MGMT: variants seen among roughly 807,000 people sequenced by gnomAD.
The protein encoded by MGMT is O-6-methylguanine-DNA methyltransferase.
A neutral mutation model predicts 15.9 loss-of-function variants in MGMT; 14 were observed. That is an observed-to-expected ratio of 0.88 (90% CI 0.58 to 1.37). MGMT has a LOEUF of 1.37. Among genes scored for constraint, MGMT ranks in the 40% most tolerant of loss-of-function variants. The pLI is 0.00. For missense variants in MGMT, 282 were observed against 268.1 expected, an observed-to-expected ratio of 1.05 and a Z score of -0.36; for synonymous variants, 130 against 118.2, an observed-to-expected ratio of 1.10 and a Z score of -0.65.
intron 3 of MGMT, among the ~76,000 whole-genome samples, chr10:129,729,248 C>T (rs192535206): frequency 9.9e-5 from 15 of 152,184 alleles, no homozygotes; most frequent in Admixed American, 7.9e-4. Context: ...CGAAAGGGCC[C>T]CACGGGCTGT....
At chr10:129,605,459 G>A (rs1329961410) in intron 2 of MGMT, among the ~76,000 whole-genome samples, 2 of 151,972 alleles carry the variant, frequency 1.3e-5, no homozygotes, top group Admixed American at 1.3e-4. Context: ...GTGCTCCCTA[G>A]GGAGTTCACT....
chr10:129,622,788 C>T (rs532854257), intron 2 of MGMT, among the ~76,000 whole-genome samples: 1 of 150,088 alleles, frequency 6.7e-6, no homozygotes, highest in Non-Finnish European at 1.5e-5. Flanking sequence ...CAATAAATGG[C>T]CTGTAAAAAA....
chr10:129,752,369 A>C (rs1038571089), intron 3 of MGMT, among the ~76,000 whole-genome samples: 4 of 151,956 alleles, frequency 2.6e-5, no homozygotes, highest in African/African-American at 9.7e-5. Flanking sequence ...TACAGGTATC[A>C]TTTGAAGTGA....
chr10:129,503,231 A>T (rs1226655281), intron 1 of MGMT, among the ~76,000 whole-genome samples: 4 of 152,142 alleles, frequency 2.6e-5, no homozygotes, highest in Non-Finnish European at 5.9e-5. Flanking sequence ...TGTGCAATGC[A>T]CTTGGGGGTC....
chr10:129,555,064 A>T (rs1413557784), intron 2 of MGMT, among the ~76,000 whole-genome samples: 1 of 152,188 alleles, frequency 6.6e-6, no homozygotes, highest in East Asian at 1.9e-4. Flanking sequence ...GTAAGCACTC[A>T]ATAAATGGCA....
chr10:129,479,061 G>A (rs777109883), intron 1 of MGMT, among the ~76,000 whole-genome samples: 6 of 152,126 alleles, frequency 3.9e-5, no homozygotes, highest in East Asian at 1.9e-4. Context: ...TCGTAAACAC[G>A]GTTCTGTGAC....
Position 129,738,025 on chromosome 10 carries a change from C to T in MGMT, c.275-21177C>T, listed in dbSNP as rs527908512. ...TCTTTTTGTTGGTCTGTGCCCTGCC[C>T]CCAGAGGTGGAGCCTACAGAGGCAG... is the stretch of plus-strand genomic sequence containing the variant. On this transcript the variant is annotated intron_variant, in intron 3 of 4. Transcript: ENST00000651593. Among the ~76,000 whole-genome samples the T allele has an allele frequency of 2.6e-5, 4 of 152,310 alleles. No homozygotes were observed. In the South Asian group the frequency reaches 8.3e-4, roughly 32 times the overall value.
chr10:129,715,995 G>A (rs1330648945), intron 3 of MGMT, among the ~76,000 whole-genome samples: 1 of 152,146 alleles, frequency 6.6e-6, no homozygotes, highest in African/African-American at 2.4e-5. Context: ...GGCGGTCAGT[G>A]TAGCTTCTGA....
At chr10:129,738,863 T>G (rs1210252924) in intron 3 of MGMT, among the ~76,000 whole-genome samples, 1 of 152,146 alleles carries the variant, frequency 6.6e-6, no homozygotes, top group Admixed American at 6.5e-5. Flanking sequence ...AAAGAGAATT[T>G]TAGGCCAATA....
intron 2 of MGMT, among the ~76,000 whole-genome samples, chr10:129,656,710 G>A (rs986534310): frequency 6.6e-6 from 1 of 152,132 alleles, no homozygotes; most frequent in Non-Finnish European, 1.5e-5. Flanking sequence ...ACAGGTAGGT[G>A]AGAGTCAAGT....
intron 3 of MGMT, among the ~76,000 whole-genome samples, chr10:129,745,985 C>A (rs1848690347): frequency 6.6e-6 from 1 of 151,988 alleles, no homozygotes; most frequent in Non-Finnish European, 1.5e-5. Context: ...GCCTGTAATC[C>A]CAGCACTTTG....
intron 1 of MGMT, among the ~76,000 whole-genome samples, chr10:129,487,980 T>TATAC (rs1554902768): frequency 6.6e-5 from 9 of 136,202 alleles, no homozygotes; most frequent in Non-Finnish European, 1.2e-4. Flanking sequence ...TACGCAGGTA[T>TATAC]ACACACACAC....
intron 2 of MGMT, among the ~76,000 whole-genome samples, chr10:129,667,860 T>C (rs1185563503): frequency 6.6e-6 from 1 of 152,230 alleles, no homozygotes; most frequent in Non-Finnish European, 1.5e-5. Flanking sequence ...TGTGGTTGAA[T>C]ATGTTTTTGT....
chr10:129,536,362 G>C lies in MGMT; in HGVS notation c.110G>C (p.Gly37Ala), dbSNP rs918303726. The C allele has an allele frequency of 6.2e-7, 1 of 1,613,250 alleles. No homozygotes were observed. The highest frequency in any genetic ancestry group is 8.5e-7 in the Non-Finnish European group (1 of 1,179,816). The change falls in exon 2 of 5, where the codon GGG becomes GCG. Residue 37 changes from glycine (G) to alanine (A), a missense_variant. By Grantham distance (60) the Gly-to-Ala change is moderately conservative. Transcript: ENST00000651593. ...GLHEIKLLGK[G>A]TSAADAVEVP... Reference sequence around the variant, plus strand: ...CACGAAATAAAGCTCCTGGGCAAGGGGACGTCTGCAGCTGAGTAAGTATGA... The same window carrying C: ...CACGAAATAAAGCTCCTGGGCAAGGCGACGTCTGCAGCTGAGTAAGTATGA...
intron 1 of MGMT, among the ~76,000 whole-genome samples, chr10:129,501,806 A>G (rs964513450): frequency 3.3e-5 from 5 of 152,248 alleles, no homozygotes; most frequent in African/African-American, 1.2e-4. Context: ...GTGGTAGACC[A>G]GGGAGGCAGG....
chr10:129,576,181 T>C (rs376303400), intron 2 of MGMT, among the ~76,000 whole-genome samples: 4,951 of 152,276 alleles, frequency 0.033, 131 homozygotes, highest in South Asian at 0.065. Flanking sequence ...CCTAACTCAT[T>C]TTATGAGGCC....
At chr10:129,476,570 C>A (rs1243144660) in intron 1 of MGMT, among the ~76,000 whole-genome samples, 1 of 152,022 alleles carries the variant, frequency 6.6e-6, no homozygotes, top group Admixed American at 6.5e-5. Context: ...AGTGCTGGTT[C>A]CATGGTCTGT....
chr10:129,564,668 C>T (rs557818935), intron 2 of MGMT, among the ~76,000 whole-genome samples: 33 of 123,322 alleles, frequency 2.7e-4, no homozygotes, highest in East Asian at 1.6e-3. Context: ...TCCTTCCTCC[C>T]CCTCCTCTCC....
chr10:129,487,119 T>C (rs533693166), intron 1 of MGMT, among the ~76,000 whole-genome samples: 4 of 152,060 alleles, frequency 2.6e-5, no homozygotes, highest in African/African-American at 4.8e-5. Context: ...ATGACACTTT[T>C]CCTGAAGCCA....
Sources: gnomAD v4.1 joint callset for allele counts (sites outside exome capture counted in the v4.1 genomes callset) on GRCh38, gnomAD v4.1.1 for gene constraint, MANE v1.5 for transcripts, NCBI Gene and HGNC (gene_info 2026-07-23, HGNC 2026-07-21) for gene names.